KALRN: variants seen among roughly 807,000 people sequenced by gnomAD.
KALRN encodes the protein kalirin RhoGEF kinase, also known as kalirin.
In KALRN, 70 loss-of-function variants were observed where a neutral mutation model predicts 353.7. The ratio of observed to expected loss-of-function variants is 0.20; its 90% CI spans 0.16 to 0.24. KALRN has a LOEUF of 0.24. Among genes scored for constraint, KALRN ranks in the 10% least tolerant of loss-of-function variants. KALRN has a pLI of 1.00. For missense variants in KALRN, 2,791 were observed against 3,756.7 expected, an observed-to-expected ratio of 0.74 and a Z score of 6.72; for synonymous variants, 1,391 against 1,434.8, an observed-to-expected ratio of 0.97 and a Z score of 0.69.
intron 1 of KALRN, among the ~76,000 whole-genome samples, chr3:124,186,663 C>T (rs1349658172): frequency 6.6e-6 from 1 of 152,168 alleles, no homozygotes; most frequent in Admixed American, 6.5e-5. Flanking sequence ...ATGTGTTCAT[C>T]AGCAGGGAGC....
intron 33 of KALRN, among the ~76,000 whole-genome samples, chr3:124,533,019 A>T (rs1161078114): frequency 2.7e-5 from 4 of 148,408 alleles, no homozygotes; most frequent in African/African-American, 9.8e-5. Context: ...TAACCTAATT[A>T]TATATATAAT....
intron 33 of KALRN, among the ~76,000 whole-genome samples, chr3:124,546,961 T>C (rs936285345): frequency 5.3e-5 from 8 of 152,110 alleles, no homozygotes; most frequent in African/African-American, 1.9e-4. Context: ...CACACGGATT[T>C]GTTGAATGAA....
At chr3:124,389,554 A>G (rs1295552071) in intron 11 of KALRN, among the ~76,000 whole-genome samples, 1 of 152,252 alleles carries the variant, frequency 6.6e-6, no homozygotes, top group Non-Finnish European at 1.5e-5. Context: ...AGTGTTAGTC[A>G]TAATCTTGAA....
At chr3:124,689,184 C>A (rs989281576) in intron 51 of KALRN, among the ~76,000 whole-genome samples, 1 of 152,204 alleles carries the variant, frequency 6.6e-6, no homozygotes, top group Admixed American at 6.5e-5. Flanking sequence ...CTTTCCTCCA[C>A]GACCACTATT....
At chr3:124,666,877 C>T in intron 46 of KALRN, 135 bp from the exon 47 acceptor site, 2 of 906,754 alleles carry the variant, frequency 2.2e-6, no homozygotes, top group Non-Finnish European at 3.3e-6. Flanking sequence ...AGACAAAAAC[C>T]TAAGTACTGT....
At position 124,045,227 on chromosome 3, in the gene KALRN, A is replaced by G. The variant is rs189562248; in HGVS notation, c.73+11414A>G. 3.9e-5 allele frequency among the ~76,000 whole-genome samples: 6 copies of G among 152,204 alleles called. No individual in the cohort carries two copies. The East Asian group carries it at 1.2e-3, about 29-fold the overall frequency. ...TCCTGGGGGATTCTTGTGTCTGACT[A>G]CTTACTATCCTGAAATGAGGTAGTG... On this transcript the variant is annotated intron_variant, in intron 1 of 59. Coordinates refer to ENST00000682506, the MANE Select transcript of KALRN (RefSeq NM_001388419.1).
At position 124,697,606 on chromosome 3, in the gene KALRN, C is replaced by T; in HGVS notation, c.7713C>T (p.Ala2571=). The T allele has an allele frequency of 6.2e-7, 1 of 1,606,940 alleles. No individual in the cohort carries two copies. Among genetic ancestry groups the T allele is most frequent in the Non-Finnish European group, 8.5e-7 (1 of 1,177,978 alleles). Residue 2571 remains alanine, a synonymous_variant, in exon 55 of 60, where the codon GCC becomes GCT. Coordinates refer to ENST00000682506, the MANE Select transcript of KALRN (RefSeq NM_001388419.1). ...ATVKVQGVPA[A]PNRPIAQERS... ...CTGTCTCCATAGGTGTTCCAGCAGCCCCTAACCGCCCCATTGCCCAGGAGA... is the reference window on the plus strand; with the variant it reads ...CTGTCTCCATAGGTGTTCCAGCAGCTCCTAACCGCCCCATTGCCCAGGAGA...
At chr3:124,639,321 C>A (rs1295134421) in intron 37 of KALRN, among the ~76,000 whole-genome samples, 1 of 152,180 alleles carries the variant, frequency 6.6e-6, no homozygotes, top group Admixed American at 6.5e-5. Context: ...AAGCCACATA[C>A]TGCCTGGGAC....
intron 11 of KALRN, among the ~76,000 whole-genome samples, chr3:124,387,840 T>A (rs1002193031): frequency 6.6e-6 from 1 of 152,142 alleles, no homozygotes; most frequent in African/African-American, 2.4e-5. Flanking sequence ...AAGCAACATT[T>A]TGAGTGGCTG....
chr3:124,213,309 T>A (rs2077048916), intron 1 of KALRN, among the ~76,000 whole-genome samples: 1 of 152,134 alleles, frequency 6.6e-6, no homozygotes, highest in African/African-American at 2.4e-5. Flanking sequence ...GACTACTTTA[T>A]CTTTCCTCCA....
intron 12 of KALRN, among the ~76,000 whole-genome samples, chr3:124,398,264 T>C (rs1158675605): frequency 6.6e-6 from 1 of 152,226 alleles, no homozygotes; most frequent in Non-Finnish European, 1.5e-5. Flanking sequence ...TAGGAAGATT[T>C]TTTTTAAAAT....
chr3:124,235,744 C>T (rs1179689654), intron 3 of KALRN, among the ~76,000 whole-genome samples: 1 of 152,230 alleles, frequency 6.6e-6, no homozygotes, highest in Non-Finnish European at 1.5e-5. Flanking sequence ...GCACTGCTCT[C>T]TGTCTCTTAG....
intron 1 of KALRN, among the ~76,000 whole-genome samples, chr3:124,198,934 C>G (rs1451973883): frequency 6.6e-6 from 1 of 152,180 alleles, no homozygotes; most frequent in East Asian, 1.9e-4. Flanking sequence ...CTGGAAGTAC[C>G]AGGAAGCCAG....
At chr3:124,341,119 G>A (rs1383352422) in intron 9 of KALRN, among the ~76,000 whole-genome samples, 3 of 152,340 alleles carry the variant, frequency 2.0e-5, no homozygotes, top group Admixed American at 6.5e-5. Context: ...TATGCATAAT[G>A]GCTGTTAAGT....
In KALRN at chr3:124,650,854, G is replaced by C. The variant is rs1337477189; in HGVS notation, c.5711G>C (p.Gly1904Ala). ...CGGGGGAGCTTGAAAGACCCTGCAG[G>C]CTGCCTGAATGAGGGGATGGCCCCA... is the stretch of plus-strand genomic sequence containing the variant. ...SYRGSLKDPA[G>A]CLNEGMAPPT... Residue 1904 changes from glycine (G) to alanine (A), a missense_variant, in exon 38 of 60, where the codon GGC (glycine) becomes GCC (alanine). Transcript: ENST00000682506. 34 of 1,613,962 alleles carry C rather than the reference G, an allele frequency of 2.1e-5. No homozygotes were observed. The highest frequency in any genetic ancestry group is 2.5e-5 in the Non-Finnish European group (29 of 1,179,942).
chr3:124,175,334 C>T (rs1050263896), intron 1 of KALRN, among the ~76,000 whole-genome samples: 11 of 151,084 alleles, frequency 7.3e-5, no homozygotes, highest in Middle Eastern at 7.0e-3. Context: ...CGGAGATGCG[C>T]GCTGCCGAGG....
intron 28 of KALRN, among the ~76,000 whole-genome samples, chr3:124,483,321 T>C (rs937565990): frequency 6.6e-6 from 1 of 152,062 alleles, no homozygotes; most frequent in Non-Finnish European, 1.5e-5. Context: ...GAGGCTGAGA[T>C]GGGCAGATCA....
chr3:124,171,076 C>A (rs1417073441), intron 1 of KALRN, among the ~76,000 whole-genome samples: 1 of 151,932 alleles, frequency 6.6e-6, no homozygotes, highest in Non-Finnish European at 1.5e-5. Flanking sequence ...CTTGACCTCA[C>A]AAAGTGTTGG....
chr3:124,472,306 T>C (rs35951914), intron 25 of KALRN, among the ~76,000 whole-genome samples: 47,457 of 152,084 alleles, frequency 0.31, 7,939 homozygotes, highest in Non-Finnish European at 0.38. Context: ...TGGGTATCCT[T>C]GCCACTTCTG....
Sources: allele counts gnomAD v4.1 joint callset (sites outside exome capture counted in the v4.1 genomes callset), GRCh38; gene constraint gnomAD v4.1.1; transcripts MANE v1.5; gene names NCBI Gene and HGNC (gene_info 2026-07-23, HGNC 2026-07-21).